Variants in PEAK1 observed in about 807,000 individuals in gnomAD.
PEAK1 encodes the protein pseudopodium enriched atypical kinase 1, also known as inactive tyrosine-protein kinase PEAK1.
PEAK1 carries 54 observed loss-of-function variants against 124.7 expected under a neutral mutation model. That is an observed-to-expected ratio of 0.43 (90% CI 0.35 to 0.54). PEAK1 has a LOEUF of 0.54. Ranked by LOEUF, PEAK1 falls within the 20% of genes least tolerant of loss-of-function variation. PEAK1 has a pLI of 0.01. For missense variants in PEAK1, 2,046 were observed against 2,134.5 expected, an observed-to-expected ratio of 0.96 and a Z score of 0.82; for synonymous variants, 719 against 760.0, an observed-to-expected ratio of 0.95 and a Z score of 0.89.
chr15:77,127,150 G>A (rs921540213), intron 9 of PEAK1, among the ~76,000 whole-genome samples: 35 of 151,828 alleles, frequency 2.3e-4, no homozygotes, highest in African/African-American at 8.2e-4. Context: ...TCTCTCTCAC[G>A]CTCTCTCTCT....
chr15:77,402,810 T>C (rs553086545), intron 1 of PEAK1: 1 of 985,112 alleles, frequency 1.0e-6, no homozygotes, highest in East Asian at 1.1e-4. Context: ...TCAGGATAGA[T>C]AAAAGCCATG....
chr15:77,391,476 CAAAAAAAAAAAAA>C (rs536286745), intron 1 of PEAK1, among the ~76,000 whole-genome samples: 729 of 68,328 alleles, frequency 0.011, 18 homozygotes, highest in African/African-American at 0.04. Flanking sequence ...TAACTCATGG[CAAAAAAAAAAAAA>C]AAAAAAAAAA....
intron 8 of PEAK1, among the ~76,000 whole-genome samples, chr15:77,152,180 G>C (rs1418378528): frequency 6.6e-6 from 1 of 152,052 alleles, no homozygotes; most frequent in Non-Finnish European, 1.5e-5. Flanking sequence ...GTGGTTTGTA[G>C]TTCTCCTTGA....
intron 5 of PEAK1, among the ~76,000 whole-genome samples, chr15:77,252,863 CT>C (rs1203649820): frequency 6.6e-6 from 1 of 152,136 alleles, no homozygotes; most frequent in Non-Finnish European, 1.5e-5. Context: ...TAAACTCGAA[CT>C]TTATAAAAAT....
Position 77,178,775 on chromosome 15 carries a change from G to T in PEAK1, c.3137+15C>A. 6.3e-7 allele frequency: 1 copy of T among 1,599,322 alleles called. No homozygotes were observed. The highest frequency in any genetic ancestry group is 8.5e-7 in the Non-Finnish European group (1 of 1,171,786). On this transcript the variant is annotated intron_variant, in intron 7 of 9. Coordinates refer to ENST00000682557, the MANE Select transcript of PEAK1 (RefSeq NM_001385026.1). The stretch of plus-strand genomic sequence containing the variant: ...GTTAAAAAATTCCCATATTCTTCCA[G>T]TCTATTTTACATACCTGAGAATCTT...
intron 9 of PEAK1, among the ~76,000 whole-genome samples, chr15:77,115,796 C>T (rs1479426579): frequency 2.6e-5 from 4 of 152,200 alleles, no homozygotes; most frequent in African/African-American, 7.2e-5. Flanking sequence ...CATCACCCAT[C>T]GCCCTTTGTG....
intron 6 of PEAK1, among the ~76,000 whole-genome samples, chr15:77,209,073 T>C (rs1567117408): frequency 6.6e-6 from 1 of 152,186 alleles, no homozygotes; most frequent in Non-Finnish European, 1.5e-5. Context: ...AACTACTTAC[T>C]GGCATAATGG....
intron 2 of PEAK1, among the ~76,000 whole-genome samples, chr15:77,296,430 G>C (rs1185956194): frequency 6.6e-6 from 1 of 151,656 alleles, no homozygotes; most frequent in Non-Finnish European, 1.5e-5. Flanking sequence ...TGGCCAACAT[G>C]GTGAAACCCC....
chr15:77,352,815 A>G (rs2067286721), intron 2 of PEAK1: 7 of 985,096 alleles, frequency 7.1e-6, no homozygotes, highest in Non-Finnish European at 8.4e-6. Context: ...ATTTGAAGAT[A>G]GATGTGCCAA....
intron 8 of PEAK1, among the ~76,000 whole-genome samples, chr15:77,154,280 C>G (rs1353885162): frequency 6.6e-6 from 1 of 152,290 alleles, no homozygotes; most frequent in African/African-American, 2.4e-5. Flanking sequence ...GGTTTAAAGT[C>G]TGTTTCATCA....
intron 2 of PEAK1, among the ~76,000 whole-genome samples, chr15:77,302,225 G>A (rs896325676): frequency 6.6e-6 from 1 of 152,060 alleles, no homozygotes; most frequent in Non-Finnish European, 1.5e-5. Context: ...ATTGCTACTG[G>A]AGTTTCATTG....
chr15:77,258,108 C>A (rs563916997), intron 5 of PEAK1, among the ~76,000 whole-genome samples: 15 of 152,214 alleles, frequency 9.9e-5, no homozygotes, highest in African/African-American at 3.1e-4. Context: ...GGTAACAGTA[C>A]CATGCTGTTT....
downstream of PEAK1, chr15:77,105,956 A>G (rs2050747004): frequency 1.3e-5 from 2 of 152,284 alleles, no homozygotes; most frequent in South Asian, 4.1e-4. Context: ...GTGATGGGGA[A>G]GGGGAATAGG....
At chr15:77,263,920 G>C (rs2061576177) in intron 5 of PEAK1, among the ~76,000 whole-genome samples, 1 of 151,908 alleles carries the variant, frequency 6.6e-6, no homozygotes, top group African/African-American at 2.4e-5. Context: ...TGATCAAGTG[G>C]GCTTCAACCT....
chr15:77,140,738 CTT>C (rs567817216), intron 8 of PEAK1, among the ~76,000 whole-genome samples: 1 of 144,426 alleles, frequency 6.9e-6, no homozygotes, highest in African/African-American at 2.5e-5. Context: ...TTCTTTGTGT[CTT>C]TTTTTTTTTT....
At chr15:77,348,422 A>T in intron 2 of PEAK1, 1 of 926,354 alleles carries the variant, frequency 1.1e-6, no homozygotes, top group Non-Finnish European at 1.3e-6. Context: ...GTCTTTAAAA[A>T]ACAGCTGATT....
chr15:77,122,125 G>C (rs1456435790), intron 9 of PEAK1, among the ~76,000 whole-genome samples: 1 of 152,130 alleles, frequency 6.6e-6, no homozygotes. Flanking sequence ...ATTCAAAATA[G>C]ATTAAGTGTT....
intron 2 of PEAK1, among the ~76,000 whole-genome samples, chr15:77,315,695 C>A (rs908310957): frequency 1.3e-5 from 2 of 150,892 alleles, no homozygotes; most frequent in South Asian, 2.1e-4. Flanking sequence ...AGGAAAAAAA[C>A]CCATGAGTCT....
chr15:77,313,859 G>C lies in PEAK1; in HGVS notation c.-602-27355C>G, dbSNP rs2064694479. 2.0e-5 allele frequency among the ~76,000 whole-genome samples: 3 copies of C among 151,356 alleles called. No individual in the cohort carries two copies. The South Asian group carries it at 6.3e-4, about 32-fold the overall frequency. Reference sequence around the variant, plus strand: ...GGCCTCCCAGAGTGCTGGGATTACAGGTGTGAGCCACCGTGCCCGGCCAAG... The same window carrying C: ...GGCCTCCCAGAGTGCTGGGATTACACGTGTGAGCCACCGTGCCCGGCCAAG... On this transcript the variant is annotated intron_variant, in intron 2 of 9. Coordinates refer to ENST00000682557, the MANE Select transcript of PEAK1 (RefSeq NM_001385026.1).
Sources: gnomAD v4.1 joint callset for allele counts (sites outside exome capture counted in the v4.1 genomes callset) on GRCh38, gnomAD v4.1.1 for gene constraint, MANE v1.5 for transcripts, NCBI Gene and HGNC (gene_info 2026-07-23, HGNC 2026-07-21) for gene names.